The following STRN3 variants were observed in gnomAD, a reference collection of about 807,000 sequenced individuals.
The protein encoded by STRN3 is striatin 3.
Under a neutral mutation model 95.6 loss-of-function variants are expected in STRN3, and 29 were observed. That is an observed-to-expected ratio of 0.30 (90% confidence interval 0.23 to 0.41). The LOEUF is 0.41. Among genes scored for constraint, STRN3 ranks in the 10% least tolerant of loss-of-function variants. The pLI is 1.00. For missense variants in STRN3, 890 were observed against 972.1 expected (o/e 0.92, Z 1.12); for synonymous variants, 331 against 357.6 (o/e 0.93, Z 0.84).
intron 1 of STRN3, among the ~76,000 whole-genome samples, chr14:30,972,346 C>T (rs765299007): frequency 1.3e-4 from 20 of 152,244 alleles, no homozygotes; most frequent in Admixed American, 7.2e-4. Context: ...TTAGCCTGTG[C>T]GTCTAACCCT....
At chr14:30,976,481 C>A (rs757772985) in intron 1 of STRN3, among the ~76,000 whole-genome samples, 1 of 152,118 alleles carries the variant, frequency 6.6e-6, no homozygotes, top group Non-Finnish European at 1.5e-5. Flanking sequence ...AGGCAGAAAA[C>A]CAGTAAAGAT....
chr14:30,934,843 T>A (rs1031614120), intron 7 of STRN3, among the ~76,000 whole-genome samples: 11 of 152,140 alleles, frequency 7.2e-5, no homozygotes, highest in African/African-American at 2.7e-4. Context: ...ACGGGAATGT[T>A]TAAAACTGAA....
At chr14:30,952,767 A>G (rs1291891654) in intron 3 of STRN3, among the ~76,000 whole-genome samples, 1 of 152,226 alleles carries the variant, frequency 6.6e-6, no homozygotes, top group East Asian at 1.9e-4. Flanking sequence ...TCCAGAAATA[A>G]TTATTTCATT....
chr14:31,020,794 T>C (rs1375316515), intron 1 of STRN3, among the ~76,000 whole-genome samples: 1 of 152,112 alleles, frequency 6.6e-6, no homozygotes, highest in African/African-American at 2.4e-5. Flanking sequence ...TAGTCCCACC[T>C]ACTCGGGAGG....
chr14:30,975,319 A>G (rs1444925061), intron 1 of STRN3, among the ~76,000 whole-genome samples: 1 of 151,716 alleles, frequency 6.6e-6, no homozygotes, highest in East Asian at 1.9e-4. Context: ...AAAACCAAGC[A>G]TTGTATGTTC....
chr14:30,907,122 A>G, intron 13 of STRN3, 78 bp from the exon 14 acceptor site: 1 of 1,500,998 alleles, frequency 6.7e-7, no homozygotes, highest in Non-Finnish European at 9.0e-7. Context: ...AAAACTTACC[A>G]TATAACTGAG....
At chr14:30,905,349 G>C in intron 15 of STRN3, 69 bp downstream of exon 15, 2 of 1,371,016 alleles carry the variant, frequency 1.5e-6, no homozygotes, top group Non-Finnish European at 1.9e-6. Flanking sequence ...ATGAAAATTA[G>C]CTAAAAGATC....
intron 13 of STRN3, among the ~76,000 whole-genome samples, chr14:30,910,385 A>G (rs1263280571): frequency 2.0e-5 from 3 of 152,222 alleles, no homozygotes; most frequent in African/African-American, 7.2e-5. Flanking sequence ...GCTTACCACA[A>G]TGCCTAGCTA....
rs1031759056 is a variant in STRN3 at position 30,935,048 on chromosome 14, CT to C, written c.988+114del. 6.2e-5 allele frequency: 84 copies of C among 1,352,386 alleles called. No homozygotes were observed. The African/African-American group carries it at 1.2e-3, about 19-fold the overall frequency. The allele number at this position is 1,352,386 out of a possible 1,614,324, so 83.8% of individuals were successfully genotyped here. On this transcript the variant is annotated intron_variant, in intron 7 of 17. Transcript: ENST00000357479. ...TATTATTCAAAACCACTTCCCCTTG[CT>C]CTCCGTTTAACTGCCACCATATATT...
In STRN3 at chr14:31,026,288, G is replaced by A; in HGVS notation, c.-103C>T. 2.4e-6 allele frequency: 3 copies of A among 1,250,432 alleles called. No individual in the cohort carries two copies. The highest frequency in any genetic ancestry group is 3.1e-6 in the Non-Finnish European group (3 of 972,970). 77.5% of individuals were successfully genotyped at this position (1,250,432 alleles called of 1,614,324 possible). On this transcript the variant is annotated 5_prime_UTR_variant, in exon 1 of 18. Transcript: ENST00000357479. Reference sequence around the variant, plus strand: ...TGGCTGCGGGGCGGAGGCCGGCCGGGAGAGGGGCGGGGAAGGGGTCGTTGC... The same window carrying A: ...TGGCTGCGGGGCGGAGGCCGGCCGGAAGAGGGGCGGGGAAGGGGTCGTTGC...
rs534318211 is a variant in STRN3, at chr14:30,940,960, T to C, written c.717-4336A>G. On this transcript the variant is annotated intron_variant, in intron 5 of 17. Coordinates refer to ENST00000357479, the MANE Select transcript of STRN3 (RefSeq NM_001083893.2). ...ATGATGGTATTAAGAGGTGGGCCTT[T>C]GGTAAGTGGCTAGGTCATGGGGACA... Among the ~76,000 whole-genome samples the C allele has an allele frequency of 2.0e-5, 3 of 152,250 alleles. No homozygotes were observed. In the South Asian group the frequency reaches 6.2e-4, roughly 32 times the overall value.
chr14:31,006,443 C>T (rs1031006291), intron 1 of STRN3, among the ~76,000 whole-genome samples: 1 of 151,972 alleles, frequency 6.6e-6, no homozygotes, highest in Non-Finnish European at 1.5e-5. Flanking sequence ...CGCCTGTAAT[C>T]CCAGCACTTT....
chr14:30,913,727 T>A, intron 9 of STRN3, 70 bp from the exon 10 acceptor site: 1 of 1,502,170 alleles, frequency 6.7e-7, no homozygotes, highest in Non-Finnish European at 9.0e-7. Flanking sequence ...GTGGGGAAAA[T>A]TTAAGCACTT....
chr14:31,020,857 G>C (rs1355222781), intron 1 of STRN3, among the ~76,000 whole-genome samples: 1 of 152,048 alleles, frequency 6.6e-6, no homozygotes, highest in Non-Finnish European at 1.5e-5. Flanking sequence ...AGTAAGCCAT[G>C]TTGGCACCAC....
intron 14 of STRN3, among the ~76,000 whole-genome samples, 187 bp downstream of exon 14, chr14:30,906,690 C>T (rs1043315333): frequency 6.6e-6 from 1 of 152,108 alleles, no homozygotes; most frequent in Non-Finnish European, 1.5e-5. Context: ...GGTAAAAAAG[C>T]ATTGCACTAC....
chr14:30,948,552 A>C (rs1396040910), intron 4 of STRN3, among the ~76,000 whole-genome samples: 1 of 152,222 alleles, frequency 6.6e-6, no homozygotes, highest in Non-Finnish European at 1.5e-5. Context: ...CAAAAATAAA[A>C]GTTTCAAGAA....
chr14:31,025,581 G>A (rs1239476439), intron 1 of STRN3: 14 of 426,630 alleles, frequency 3.3e-5, no homozygotes, highest in Non-Finnish European at 4.7e-5. Context: ...CTCCCACAGA[G>A]AGGTGCTCGG....
At chr14:30,945,172 A>G (rs1355204113) in intron 5 of STRN3, among the ~76,000 whole-genome samples, 1 of 152,166 alleles carries the variant, frequency 6.6e-6, no homozygotes, top group African/African-American at 2.4e-5. Flanking sequence ...ACAAGTGTTG[A>G]TGAGGATGTG....
chr14:30,919,079 A>G lies in STRN3; in HGVS notation c.1127T>C (p.Met376Thr), dbSNP rs1178905100. The change falls in exon 9 of 18, where the codon ATG (methionine) becomes ACG (threonine). Residue 376 changes from methionine (M) to threonine (T), a missense_variant. Coordinates refer to ENST00000357479, the MANE Select transcript of STRN3 (RefSeq NM_001083893.2). ...CTCATCATCTCCCAGATCAGCTATC[A>G]TGTCGTAGAGTTTTGTCCTGTTGGC... Reference protein sequence around the residue: ...KRANRTKLYDMIADLGDDELP... With the variant: ...KRANRTKLYDTIADLGDDELP... 4 of 1,610,148 alleles carry G rather than the reference A, an allele frequency of 2.5e-6. No individual in the cohort carries two copies. The African/African-American group carries it at 5.4e-5, about 22-fold the overall frequency.
Sources: allele counts gnomAD v4.1 joint callset (sites outside exome capture counted in the v4.1 genomes callset), GRCh38; gene constraint gnomAD v4.1.1; transcripts MANE v1.5; gene names NCBI Gene and HGNC (gene_info 2026-07-23, HGNC 2026-07-21).